Variants in ALDH1L2 observed in about 807,000 individuals in gnomAD.
ALDH1L2 encodes the protein mitochondrial 10-formyltetrahydrofolate dehydrogenase.
A neutral mutation model predicts 111.0 loss-of-function variants in ALDH1L2; 91 were observed. The observed-to-expected ratio is 0.82, with a 90% CI of 0.69 to 0.98. The LOEUF is 0.98. ALDH1L2 is among the 50% of genes least tolerant of loss of function. The probability of loss-of-function intolerance (pLI) is 0.00; values close to 1 mark genes in which losing one functional copy is unlikely to be tolerated. For synonymous variants in ALDH1L2, 374 were observed against 392.6 expected (o/e 0.95, Z 0.56); for missense variants, 995 against 1,126.8 (o/e 0.88, Z 1.67).
chr12:105,036,938 G>C (rs1281401669), intron 18 of ALDH1L2, among the ~76,000 whole-genome samples: 2 of 152,034 alleles, frequency 1.3e-5, no homozygotes, highest in Admixed American at 6.6e-5. Context: ...CAAAGGCCCT[G>C]GCCGCAGGGG....
intron 10 of ALDH1L2, among the ~76,000 whole-genome samples, chr12:105,055,418 G>A (rs968809052): frequency 2.0e-5 from 3 of 152,306 alleles, no homozygotes; most frequent in South Asian, 2.1e-4. Flanking sequence ...AGCAGCAGCA[G>A]CAACAGCAAC....
At chr12:105,071,313 T>C (rs1342794684) in intron 2 of ALDH1L2, among the ~76,000 whole-genome samples, 1 of 152,036 alleles carries the variant, frequency 6.6e-6, no homozygotes, top group Non-Finnish European at 1.5e-5. Context: ...CTTTTCTACT[T>C]CCTTCTCCCA....
At chr12:105,038,256 TCTCTCACA>T (rs1472551546) in intron 17 of ALDH1L2, 54 bp from the exon 18 acceptor site, 2 of 760,682 alleles carry the variant, frequency 2.6e-6, no homozygotes, top group Non-Finnish European at 4.2e-6. Flanking sequence ...TCTCTCTCTC[TCTCTCACA>T]CACACACACA....
chr12:105,061,180 C>T (rs1344971903), intron 8 of ALDH1L2, 108 bp from the exon 9 acceptor site: 1 of 915,138 alleles, frequency 1.1e-6, no homozygotes, highest in South Asian at 1.5e-5. Flanking sequence ...GTACACTCAG[C>T]TGTACATACA....
At position 105,019,888 on chromosome 12, in the gene ALDH1L2, A is replaced by G. The variant is rs1874077324; in HGVS notation, c.*4536T>C. On this transcript the variant is annotated 3_prime_UTR_variant, in exon 23 of 23. Coordinates refer to ENST00000258494, the MANE Select transcript of ALDH1L2 (RefSeq NM_001034173.4). The stretch of plus-strand genomic sequence containing the variant: ...ATACAGTATTATGTTAATTATGTAA[A>G]AAAAGTATACATATTCATAGAAAAA... 1 of 152,242 alleles carries G rather than the reference A, an allele frequency of 6.6e-6. No homozygotes were observed. The highest frequency in any genetic ancestry group is 6.5e-5 in the Admixed American group (1 of 15,284). 9.4% of individuals were successfully genotyped at this position (152,242 alleles called of 1,614,324 possible).
At chr12:105,066,213 G>A (rs957452975) in intron 5 of ALDH1L2, among the ~76,000 whole-genome samples, 1 of 152,214 alleles carries the variant, frequency 6.6e-6, no homozygotes, top group Non-Finnish European at 1.5e-5. Flanking sequence ...GCGAAGGATT[G>A]TTGGGCAGAC....
chr12:105,084,200 T>C (rs1878474202), intron 1 of ALDH1L2, among the ~76,000 whole-genome samples, 189 bp downstream of exon 1: 1 of 152,146 alleles, frequency 6.6e-6, no homozygotes, highest in African/African-American at 2.4e-5. Context: ...TCCGGGACCC[T>C]CCCCAAGCCC....
intron 1 of ALDH1L2, among the ~76,000 whole-genome samples, chr12:105,079,927 ATAT>A (rs1425947577): frequency 6.6e-6 from 1 of 152,232 alleles, no homozygotes; most frequent in Non-Finnish European, 1.5e-5. Context: ...AAATGAAATA[ATAT>A]TATGCGTAAT....
intron 2 of ALDH1L2, among the ~76,000 whole-genome samples, chr12:105,073,478 G>T (rs73393869): frequency 0.02 from 3,104 of 152,294 alleles, 70 homozygotes; most frequent in East Asian, 0.054. Flanking sequence ...CTGAAAGGAG[G>T]TCTAAAAGTC....
intron 17 of ALDH1L2, 39 bp from the exon 18 acceptor site, chr12:105,038,241 ATCTCTCTC>A: frequency 3.3e-6 from 3 of 909,336 alleles, no homozygotes; most frequent in Non-Finnish European, 5.0e-6. Context: ...TTTAGTTAAC[ATCTCTCTC>A]TCTCTCTCTC....
chr12:105,034,522 A>G, intron 18 of ALDH1L2, 124 bp from the exon 19 acceptor site: 1 of 747,824 alleles, frequency 1.3e-6, no homozygotes, highest in Admixed American at 3.0e-5. Flanking sequence ...AGTCACAGAC[A>G]ATCCTCTTGG....
rs539697387 is a variant in ALDH1L2, at chr12:105,024,829, A to G, written c.2717-350T>C. ...AGTGTTGCCTGGTCAGCTTCAAACC[A>G]AAACCCTTCTCTTTTATTTCCCTAC... On this transcript the variant is annotated intron_variant, in intron 22 of 22. Transcript: ENST00000258494. Among the ~76,000 whole-genome samples the G allele has an allele frequency of 2.0e-5, 3 of 152,272 alleles. No homozygotes were observed. The South Asian group carries it at 6.2e-4, about 32-fold the overall frequency.
Position 105,071,627 on chromosome 12 carries a change from TATATATATATA to T in ALDH1L2, c.194-834_194-824del, listed in dbSNP as rs1313970987. Among the ~76,000 whole-genome samples, 112 of 17,272 alleles carry T rather than the reference TATATATATATA, an allele frequency of 6.5e-3. 2 individuals are homozygous for T. Among genetic ancestry groups the T allele is most frequent in the Non-Finnish European group, 0.01 (99 of 9,684 alleles). 11.3% of individuals were successfully genotyped at this position (17,272 alleles called of 152,430 possible). ...TATATATAAGTAGTATATATATATA[TATATATATATA>T]TATATTTTTTTTTTTTTTTTTTTTT... is the stretch of plus-strand genomic sequence containing the variant. On this transcript the variant is annotated intron_variant, in intron 2 of 22. Transcript: ENST00000258494.
chr12:105,047,533 G>C (rs2136071070), intron 13 of ALDH1L2: 1 of 154,386 alleles, frequency 6.5e-6, no homozygotes, highest in East Asian at 1.9e-4. Context: ...ACATGGCCTG[G>C]CAAAGACAGA....
At chr12:105,077,085 C>G (rs1295947734) in intron 1 of ALDH1L2, among the ~76,000 whole-genome samples, 1 of 152,078 alleles carries the variant, frequency 6.6e-6, no homozygotes, top group Non-Finnish European at 1.5e-5. Flanking sequence ...TTTGACAGGT[C>G]AATTGGGAAT....
intron 1 of ALDH1L2, among the ~76,000 whole-genome samples, chr12:105,082,466 GA>G (rs1185891063): frequency 1.3e-5 from 2 of 152,166 alleles, no homozygotes; most frequent in East Asian, 3.8e-4. Flanking sequence ...GTAGCATTAT[GA>G]GTCTGATTCT....
rs770020716 is a variant in ALDH1L2 at position 105,050,076 on chromosome 12, G to T, written c.1536-18C>A. 1.5e-5 allele frequency: 23 copies of T among 1,563,726 alleles called. No homozygotes were observed. Among genetic ancestry groups the T allele is most frequent in the Non-Finnish European group, 1.9e-5 (22 of 1,154,626 alleles). ...CTGCAAGTCTGTGTGGTCAGTGAAA[G>T]AAATAAATTCAACAAGTATTGATTG... On this transcript the variant is annotated intron_variant, in intron 12 of 22. Transcript: ENST00000258494.
intron 13 of ALDH1L2, chr12:105,049,450 T>C (rs920563827): frequency 2.0e-5 from 3 of 152,416 alleles, no homozygotes; most frequent in Non-Finnish European, 2.9e-5. Flanking sequence ...ATGCATGTGC[T>C]GGAAACTTAA....
At position 105,041,840 on chromosome 12, in the gene ALDH1L2, A is replaced by G. The variant is rs1319434458; in HGVS notation, c.1864-1146T>C. On this transcript the variant is annotated intron_variant, in intron 15 of 22. Coordinates refer to ENST00000258494, the MANE Select transcript of ALDH1L2 (RefSeq NM_001034173.4). Reference sequence around the variant, plus strand: ...ATTTGGCTGAGGCAGTCCCTTCAGTACGGCCCCTTATCATTCTGACGTGCC... The same window carrying G: ...ATTTGGCTGAGGCAGTCCCTTCAGTGCGGCCCCTTATCATTCTGACGTGCC... Among the ~76,000 whole-genome samples, 3 of 150,870 alleles carry G rather than the reference A, an allele frequency of 2.0e-5. 1 individual carries two copies. In the East Asian group the frequency reaches 5.8e-4, roughly 29 times the overall value.
Sources: gnomAD v4.1 joint callset for allele counts (sites outside exome capture counted in the v4.1 genomes callset) on GRCh38, gnomAD v4.1.1 for gene constraint, MANE v1.5 for transcripts, NCBI Gene and HGNC (gene_info 2026-07-23, HGNC 2026-07-21) for gene names.